The following ZC3H12B variants were observed in gnomAD, a reference collection of about 807,000 sequenced individuals.
ZC3H12B encodes the protein probable ribonuclease ZC3H12B.
In ZC3H12B, 7 loss-of-function variants were observed where a neutral mutation model predicts 43.9. The observed-to-expected ratio is 0.16, with a 90% CI of 0.09 to 0.30. The LOEUF (loss-of-function observed/expected upper bound fraction) is 0.30. Ranked by LOEUF, ZC3H12B falls within the 10% of genes least tolerant of loss-of-function variation. ZC3H12B has a pLI of 1.00. For synonymous variants in ZC3H12B, 222 were observed against 241.7 expected, an observed-to-expected ratio of 0.92 and a Z score of 0.76; for missense variants, 475 against 670.2, an observed-to-expected ratio of 0.71 and a Z score of 3.22.
the ZC3H12B span, among the ~76,000 whole-genome samples, chrX:65,113,985 G>GTATGTATATATA: frequency 4.2e-5 from 2 of 47,475 alleles, no homozygotes; most frequent in Non-Finnish European, 8.6e-5. Flanking sequence ...AGATATGCTT[G>GTATGTATATATA]TATATATATA....
At chrX:65,349,524 C>T in the ZC3H12B span, among the ~76,000 whole-genome samples, 3 of 111,402 alleles carry the variant, frequency 2.7e-5, no homozygotes, top group Non-Finnish European at 5.7e-5. Context: ...CAGAGCAGAA[C>T]TGAAGGAGAT....
At chrX:65,258,683 T>C in the ZC3H12B span, among the ~76,000 whole-genome samples, 1 of 111,687 alleles carries the variant, frequency 9.0e-6, no homozygotes, top group Non-Finnish European at 1.9e-5. Flanking sequence ...GTCTCTTTCT[T>C]AAATCTCTTC....
intron 1 of ZC3H12B, 135 bp downstream of exon 6, chrX:65,489,544 T>A: frequency 1.2e-6 from 1 of 805,190 alleles, no homozygotes; most frequent in Non-Finnish European, 1.7e-6. Context: ...GGCCAGAGAC[T>A]AAAATGATCC....
intron 2 of ZC3H12B, among the ~76,000 whole-genome samples, chrX:65,384,939 G>T (rs1407169117): frequency 8.9e-6 from 1 of 112,359 alleles, no homozygotes; most frequent in Non-Finnish European, 1.9e-5. Context: ...TGTCAGGTTT[G>T]TTAAAGATCA....
chrX:65,199,659 A>G, the ZC3H12B span, among the ~76,000 whole-genome samples: 12 of 110,965 alleles, frequency 1.1e-4, no homozygotes, highest in East Asian at 3.4e-3. Context: ...ATGTGTTCTC[A>G]TCATTCAGCT....
chrX:65,415,686 G>A (rs770850355), intron 3 of ZC3H12B, among the ~76,000 whole-genome samples: 62 of 112,034 alleles, frequency 5.5e-4, no homozygotes, highest in African/African-American at 1.8e-3. Context: ...TGGCTGAGAG[G>A]AGGGGTCCAT....
the ZC3H12B span, among the ~76,000 whole-genome samples, chrX:65,297,217 C>T: frequency 1.8e-5 from 2 of 110,530 alleles, no homozygotes; most frequent in Non-Finnish European, 3.8e-5. Context: ...TGTCACTTTT[C>T]GCCAATAATA....
the ZC3H12B span, among the ~76,000 whole-genome samples, chrX:65,095,613 T>C: frequency 4.5e-5 from 5 of 111,840 alleles, no homozygotes; most frequent in Non-Finnish European, 9.4e-5. Context: ...TGTGTGCTTC[T>C]AGCAGTGGGA....
the ZC3H12B span, among the ~76,000 whole-genome samples, chrX:65,303,083 A>T: frequency 1.8e-5 from 2 of 112,020 alleles, no homozygotes; most frequent in African/African-American, 3.2e-5. Context: ...AATCTAAGTT[A>T]ATTTGAGTAT....
the ZC3H12B span, among the ~76,000 whole-genome samples, chrX:65,190,497 T>C: frequency 9.1e-6 from 1 of 109,668 alleles, no homozygotes; most frequent in Admixed American, 9.8e-5. Context: ...GTAGTTCTCC[T>C]TGAAGAGGTC....
the ZC3H12B span, among the ~76,000 whole-genome samples, chrX:65,196,317 C>A: frequency 9.1e-6 from 1 of 110,205 alleles, no homozygotes; most frequent in Non-Finnish European, 1.9e-5. Flanking sequence ...TGCGACTCCC[C>A]AAAAAATGAG....
At chrX:65,430,098 AC>A (rs1243184689) in intron 3 of ZC3H12B, among the ~76,000 whole-genome samples, 6 of 112,455 alleles carry the variant, frequency 5.3e-5, no homozygotes. Context: ...AGGGGTATGT[AC>A]AAACCTCCCA....
the ZC3H12B span, among the ~76,000 whole-genome samples, chrX:65,249,842 A>T: frequency 1.3e-5 from 1 of 79,150 alleles, no homozygotes; most frequent in African/African-American, 5.0e-5. Flanking sequence ...AACGGGTTTC[A>T]GTTCTTGACT....
the ZC3H12B span, among the ~76,000 whole-genome samples, chrX:65,206,596 G>A: frequency 9.0e-6 from 1 of 111,031 alleles, no homozygotes; most frequent in African/African-American, 3.3e-5. Context: ...CTGGACATTG[G>A]CTTAGGCAAA....
the ZC3H12B span, among the ~76,000 whole-genome samples, chrX:65,257,837 G>T: frequency 9.0e-6 from 1 of 110,755 alleles, no homozygotes; most frequent in African/African-American, 3.3e-5. Context: ...ACCAGGAAGA[G>T]ATTAAAGCCC....
intron 2 of ZC3H12B, among the ~76,000 whole-genome samples, chrX:65,393,185 C>T (rs968958905): frequency 1.8e-5 from 2 of 111,188 alleles, no homozygotes; most frequent in Non-Finnish European, 3.8e-5. Context: ...CTTCTCTCCA[C>T]TATTGTCCTA....
the ZC3H12B span, chrX:65,356,956 T>G: frequency 4.4e-6 from 2 of 455,074 alleles, no homozygotes; most frequent in South Asian, 5.2e-5. Context: ...TAAAACAGAG[T>G]TGATAGGTTT....
At chrX:65,187,585 T>C in the ZC3H12B span, among the ~76,000 whole-genome samples, 1 of 110,987 alleles carries the variant, frequency 9.0e-6, no homozygotes, top group Non-Finnish European at 1.9e-5. Context: ...AGAATGACTT[T>C]ATAATTATTA....
chrX:65,076,713 CT>C, the ZC3H12B span, among the ~76,000 whole-genome samples: 2 of 107,977 alleles, frequency 1.9e-5, no homozygotes, highest in Non-Finnish European at 3.8e-5. Flanking sequence ...TTTATTTTGG[CT>C]GTTGTATTTT....
Sources: gnomAD v4.1 joint callset for allele counts (sites outside exome capture counted in the v4.1 genomes callset) on GRCh38, gnomAD v4.1.1 for gene constraint, MANE v1.5 for transcripts, NCBI Gene and HGNC (gene_info 2026-07-23, HGNC 2026-07-21) for gene names.